The following AMMECR1 variants were observed in gnomAD, a reference collection of about 807,000 sequenced individuals.
AMMECR1 encodes the protein nuclear protein AMMECR1.
A neutral mutation model predicts 22.5 loss-of-function variants in AMMECR1; 3 were observed. The observed-to-expected ratio is 0.13, with a 90% CI of 0.06 to 0.35. The LOEUF is 0.35. Ranked by LOEUF, AMMECR1 falls within the 10% of genes least tolerant of loss-of-function variation. The pLI is 1.00. For missense variants in AMMECR1, 235 were observed against 278.7 expected (o/e 0.84, Z 1.12); for synonymous variants, 130 against 116.7 (o/e 1.11, Z -0.74).
intron 1 of AMMECR1, among the ~76,000 whole-genome samples, chrX:110,435,280 A>G (rs913798638): frequency 9.0e-6 from 1 of 111,500 alleles, no homozygotes; most frequent in African/African-American, 3.3e-5. Context: ...TTAGTGTGGG[A>G]GTATCTTCTA....
At chrX:110,398,617 CACAGCAGAAGAA>C (rs2068543698) in intron 2 of AMMECR1, among the ~76,000 whole-genome samples, 1 of 111,799 alleles carries the variant, frequency 8.9e-6, no homozygotes, top group Admixed American at 9.5e-5. Context: ...AGAACTAGGA[CACAGCAGAAGAA>C]ACAGGCATAA....
chrX:110,276,905 A>C (rs1602852780), intron 1 of AMMECR1, among the ~76,000 whole-genome samples: 1 of 110,921 alleles, frequency 9.0e-6, no homozygotes, highest in African/African-American at 3.3e-5. Flanking sequence ...TCACCAATTC[A>C]GCAAGATTGC....
At chrX:110,308,564 C>T (rs1273528998) in intron 1 of AMMECR1, among the ~76,000 whole-genome samples, 1 of 110,969 alleles carries the variant, frequency 9.0e-6, no homozygotes, top group Non-Finnish European at 1.9e-5. Flanking sequence ...CCTTTTTGTT[C>T]TTGTGAGGGT....
intron 2 of AMMECR1, among the ~76,000 whole-genome samples, chrX:110,224,159 G>A (rs1033151867): frequency 4.1e-4 from 45 of 110,846 alleles, no homozygotes; most frequent in South Asian, 7.8e-4. Flanking sequence ...GGGAGCCACA[G>A]GACTAAGCTG....
At chrX:110,305,912 G>A (rs756829582) in intron 1 of AMMECR1, among the ~76,000 whole-genome samples, 1 of 111,084 alleles carries the variant, frequency 9.0e-6, no homozygotes, top group East Asian at 2.8e-4. Flanking sequence ...GAACCCGTGA[G>A]GTGGAGCTTT....
At position 110,310,563 on chromosome X, in the gene AMMECR1, T is replaced by G. The variant is rs556982751; in HGVS notation, c.473+7036A>C. Among the ~76,000 whole-genome samples, 5 of 111,844 alleles carry G rather than the reference T, an allele frequency of 4.5e-5. 1 individual carries two copies. In the South Asian group the frequency reaches 1.9e-3, roughly 42 times the overall value. On this transcript the variant is annotated intron_variant, in intron 1 of 5. Coordinates refer to ENST00000262844, the MANE Select transcript of AMMECR1 (RefSeq NM_015365.3). ...GAGGGAAAGGGGAGGAGAGTTCTTA[T>G]GCCTGTGATCAAATTTCATAGCCAT...
chrX:110,241,248 GAT>G (rs2067630825), intron 2 of AMMECR1, among the ~76,000 whole-genome samples: 1 of 110,791 alleles, frequency 9.0e-6, no homozygotes, highest in Non-Finnish European at 1.9e-5. Context: ...AACTGAAGGA[GAT>G]AGAGACATGA....
chrX:110,433,463 A>G (rs2068813552), intron 1 of AMMECR1, among the ~76,000 whole-genome samples: 1 of 111,621 alleles, frequency 9.0e-6, no homozygotes, highest in South Asian at 3.9e-4. Context: ...ATGACTAGGA[A>G]GGGTAATGAG....
At chrX:110,398,743 T>C (rs1368188013) in intron 2 of AMMECR1, among the ~76,000 whole-genome samples, 1 of 112,269 alleles carries the variant, frequency 8.9e-6, no homozygotes, top group African/African-American at 3.2e-5. Flanking sequence ...TCACTTCACC[T>C]CATAGTTGGG....
chrX:110,254,304 T>C (rs1372144666), intron 2 of AMMECR1, among the ~76,000 whole-genome samples: 1 of 111,962 alleles, frequency 8.9e-6, no homozygotes, highest in Non-Finnish European at 1.9e-5. Flanking sequence ...TATTACATAT[T>C]ACCTTGCAAT....
chrX:110,324,983 T>C (rs1255663471), intron 2 of AMMECR1, among the ~76,000 whole-genome samples: 1 of 111,069 alleles, frequency 9.0e-6, no homozygotes, highest in Non-Finnish European at 1.9e-5. Flanking sequence ...TTTGTCTAGT[T>C]TTGGCATCAG....
At chrX:110,250,524 A>G (rs1385536614) in intron 2 of AMMECR1, among the ~76,000 whole-genome samples, 1 of 112,349 alleles carries the variant, frequency 8.9e-6, no homozygotes, top group African/African-American at 3.2e-5. Flanking sequence ...CTAAACTCCT[A>G]AAGACTCAGA....
intron 2 of AMMECR1, among the ~76,000 whole-genome samples, chrX:110,231,956 G>C (rs919832493): frequency 1.8e-5 from 2 of 111,736 alleles, no homozygotes; most frequent in African/African-American, 6.5e-5. Context: ...AATGCAACAA[G>C]AAGAGCTAAC....
At chrX:110,374,386 A>G (rs1210644976) in intron 2 of AMMECR1, among the ~76,000 whole-genome samples, 2 of 112,228 alleles carry the variant, frequency 1.8e-5, no homozygotes, top group Non-Finnish European at 3.8e-5. Context: ...TAATGAGTCT[A>G]GTAGTATTTC....
chrX:110,377,014 G>A lies in AMMECR1; in HGVS notation c.-148+49644C>T, dbSNP rs1471304302. Reference sequence around the variant, plus strand: ...TCCCGCTCTAGTGCTACTAACTACAGCACTGCAGTAGTGGTAGGCAGTGGG... The same window carrying A: ...TCCCGCTCTAGTGCTACTAACTACAACACTGCAGTAGTGGTAGGCAGTGGG... On this transcript the variant is annotated intron_variant, in intron 2 of 7. Coordinates refer to the AMMECR1 transcript ENST00000372057. Among the ~76,000 whole-genome samples, 3 of 112,039 alleles carry A rather than the reference G, an allele frequency of 2.7e-5. No homozygotes were observed. In the East Asian group the frequency reaches 8.4e-4, roughly 31 times the overall value.
intron 2 of AMMECR1, among the ~76,000 whole-genome samples, chrX:110,362,149 A>G (rs943472530): frequency 1.3e-4 from 14 of 111,980 alleles, no homozygotes; most frequent in Admixed American, 6.7e-4. Flanking sequence ...AAAAATATAT[A>G]TATATAACAG....
chrX:110,213,319 G>C (rs1343739942), intron 3 of AMMECR1, among the ~76,000 whole-genome samples: 1 of 111,702 alleles, frequency 9.0e-6, no homozygotes, highest in Non-Finnish European at 1.9e-5. Flanking sequence ...TATCTCTATG[G>C]ATTTGCTCAT....
chrX:110,338,267 A>G (rs1324628165), intron 2 of AMMECR1, among the ~76,000 whole-genome samples: 1 of 112,301 alleles, frequency 8.9e-6, no homozygotes, highest in Non-Finnish European at 1.9e-5. Context: ...AAAAAAGAAG[A>G]CCTAAAACAG....
At chrX:110,318,096 C>A (rs2068062075), upstream of AMMECR1, 6 of 1,146,890 alleles carry the variant, frequency 5.2e-6, no homozygotes, top group East Asian at 1.9e-4. Context: ...CCCCACGCAG[C>A]GTTTCCGACC....
Sources: gnomAD v4.1 joint callset for allele counts (sites outside exome capture counted in the v4.1 genomes callset) on GRCh38, gnomAD v4.1.1 for gene constraint, MANE v1.5 for transcripts, NCBI Gene and HGNC (gene_info 2026-07-23, HGNC 2026-07-21) for gene names.